RBM6: variants seen among roughly 807,000 people sequenced by gnomAD.
The protein encoded by RBM6 is RNA-binding protein 6.
In RBM6, 23 loss-of-function variants were observed where a neutral mutation model predicts 140.4. The ratio of observed to expected loss-of-function variants is 0.16; its 90% CI spans 0.12 to 0.23. The LOEUF (loss-of-function observed/expected upper bound fraction) is 0.23. Among genes scored for constraint, RBM6 ranks in the 10% least tolerant of loss-of-function variants. The probability of loss-of-function intolerance (pLI) is 1.00; values close to 1 mark genes in which losing one functional copy is unlikely to be tolerated. For synonymous variants in RBM6, 439 were observed against 475.6 expected (o/e 0.92, Z 1.00); for missense variants, 1,139 against 1,386.7 (o/e 0.82, Z 2.84).
At chr3:50,037,115 A>G (rs993536829) in intron 6 of RBM6, among the ~76,000 whole-genome samples, 1 of 152,062 alleles carries the variant, frequency 6.6e-6, no homozygotes, top group East Asian at 1.9e-4. Flanking sequence ...TAAGAAGAGA[A>G]TTGGCTGGGC....
rs902418066 is a variant in RBM6, at chr3:49,967,909, G to T, written c.484G>T (p.Ala162Ser). 6.2e-7 allele frequency: 1 copy of T among 1,613,876 alleles called. No homozygotes were observed. Among genetic ancestry groups the T allele is most frequent in the Non-Finnish European group, 8.5e-7 (1 of 1,179,814 alleles). The change falls in exon 3 of 21, where the codon GCT becomes TCT. Residue 162 changes from alanine (A) to serine (S), a missense_variant. Coordinates refer to ENST00000266022, the MANE Select transcript of RBM6 (RefSeq NM_005777.3). The surrounding 1 kb of genome is among the most constrained non-coding windows in gnomAD (Gnocchi z 4.0). ...GAACTACAGAGACAGGGATGCTCAC[G>T]CTGTTGACTTCAGAGGTAGGGATGC... is the stretch of plus-strand genomic sequence containing the variant. ...HMNYRDRDAH[A>S]VDFRGRDAPP...
chr3:49,941,774 G>C (rs1034014401), intron 1 of RBM6, among the ~76,000 whole-genome samples: 1 of 151,314 alleles, frequency 6.6e-6, no homozygotes, highest in Non-Finnish European at 1.5e-5. Flanking sequence ...CGCTATGTTG[G>C]CCAGGCTGGT....
intron 2 of RBM6, 70 bp downstream of exon 2, chr3:49,962,755 TATAAATGAAG>T: frequency 7.4e-7 from 1 of 1,349,276 alleles, no homozygotes; most frequent in East Asian, 2.6e-5. Flanking sequence ...TTTCGCCTAC[TATAAATGAAG>T]ATATTTTCTC....
chr3:50,004,806 G>A (rs1368735002), intron 6 of RBM6, among the ~76,000 whole-genome samples: 2 of 151,838 alleles, frequency 1.3e-5, no homozygotes, highest in Admixed American at 6.6e-5. Context: ...AACAAACTCT[G>A]TTCGTAAAGA....
intron 14 of RBM6, 95 bp from the exon 15 acceptor site, chr3:50,061,867 T>A: frequency 6.8e-7 from 1 of 1,472,800 alleles, no homozygotes; most frequent in Middle Eastern, 1.8e-4. Context: ...AAAAAAGTTG[T>A]TTCTTCCCCT....
At chr3:49,964,375 T>G (rs952258676) in intron 2 of RBM6, among the ~76,000 whole-genome samples, 1 of 152,198 alleles carries the variant, frequency 6.6e-6, no homozygotes, top group Non-Finnish European at 1.5e-5. Flanking sequence ...TGACAGAGAT[T>G]GGTCTTTAAA....
intron 2 of RBM6, 51 bp downstream of exon 2, chr3:49,962,736 G>A (rs771440653): frequency 2.1e-6 from 3 of 1,438,786 alleles, no homozygotes; most frequent in Non-Finnish European, 2.8e-6. Flanking sequence ...AATTATAAAT[G>A]TGTAACATTT....
At chr3:49,960,736 G>C (rs1159793890) in intron 1 of RBM6, among the ~76,000 whole-genome samples, 1 of 152,090 alleles carries the variant, frequency 6.6e-6, no homozygotes, top group East Asian at 1.9e-4. Flanking sequence ...AGATTATTCC[G>C]ATTGCTCATG....
At chr3:50,019,746 T>C (rs1473940406) in intron 6 of RBM6, among the ~76,000 whole-genome samples, 2 of 152,146 alleles carry the variant, frequency 1.3e-5, no homozygotes, top group Non-Finnish European at 2.9e-5. Context: ...TGATGTTAGC[T>C]ATAGGTTTAT....
intron 6 of RBM6, chr3:50,047,426 C>A: frequency 1.4e-6 from 1 of 710,970 alleles, no homozygotes; most frequent in Non-Finnish European, 1.7e-6. Flanking sequence ...GTTTATTAAA[C>A]AAAACTTTAT....
chr3:50,045,013 T>C (rs1331200275), intron 6 of RBM6, among the ~76,000 whole-genome samples: 3 of 152,138 alleles, frequency 2.0e-5, no homozygotes, highest in African/African-American at 7.2e-5. Flanking sequence ...TATGTGCAGG[T>C]TGAGAAAAAG....
rs1029217949 is a variant in RBM6, at chr3:49,967,292, C to T, written c.45-178C>T. ...ATGGGAGCATAAAAGTTTACTCCGCCACTTCGTCTTAAAATAGCAAAACTT... is the reference window on the plus strand; with the variant it reads ...ATGGGAGCATAAAAGTTTACTCCGCTACTTCGTCTTAAAATAGCAAAACTT... On this transcript the variant is annotated intron_variant, in intron 2 of 20. Transcript: ENST00000266022. This position sits in a 1 kb window ranked among gnomAD's most constrained non-coding sequence, Gnocchi z 4.0. The T allele has an allele frequency of 4.3e-6, 6 of 1,386,662 alleles. No individual in the cohort carries two copies. The African/African-American group carries it at 8.7e-5, about 20-fold the overall frequency. The allele number at this position is 1,386,662 out of a possible 1,614,324, so 85.9% of individuals were successfully genotyped here.
intron 1 of RBM6, among the ~76,000 whole-genome samples, chr3:49,958,351 C>T (rs868169413): frequency 4.3e-4 from 65 of 152,072 alleles, no homozygotes; most frequent in African/African-American, 7.2e-5. Context: ...GTCAGGAGAT[C>T]GAGACCATCC....
intron 1 of RBM6, among the ~76,000 whole-genome samples, chr3:49,957,929 T>G (rs2084075872): frequency 6.6e-6 from 1 of 151,956 alleles, no homozygotes; most frequent in Non-Finnish European, 1.5e-5. Context: ...CCTCCCGGGT[T>G]CAAAAGATTT....
rs781706198 is a variant in RBM6 at position 50,061,972 on chromosome 3, A to G, written c.2450A>G (p.Tyr817Cys). ...CCAACTGTATCGCAGCAAGAAGTCT[A>G]TGTGCCCCAGGATCCTGGATTACCT... ...YYDPNTQQEV[Y>C]VPQDPGLPEE... The change falls in exon 15 of 21, where the codon TAT becomes TGT. Residue 817 changes from tyrosine to cysteine, a missense_variant. Tyr to Cys is a radical substitution (Grantham distance 194). Transcript: ENST00000266022. 10 of 1,613,128 alleles carry G rather than the reference A, an allele frequency of 6.2e-6. No individual in the cohort carries two copies. Among genetic ancestry groups the G allele is most frequent in the Non-Finnish European group, 7.6e-6 (9 of 1,179,794 alleles).
intron 5 of RBM6, among the ~76,000 whole-genome samples, chr3:49,993,346 T>C (rs2085916511): frequency 6.6e-6 from 1 of 152,188 alleles, no homozygotes; most frequent in Non-Finnish European, 1.5e-5. Context: ...TAGATCCACG[T>C]GTAGTTTTTG....
intron 1 of RBM6, among the ~76,000 whole-genome samples, chr3:49,957,199 G>T (rs2084033640): frequency 6.6e-6 from 1 of 151,990 alleles, no homozygotes; most frequent in Admixed American, 6.6e-5. Context: ...GCCTAGGCTG[G>T]TCTCAAACTC....
Position 50,058,392 on chromosome 3 carries a change from G to T in RBM6, c.1970-10G>T, listed in dbSNP as rs757785729. 8.7e-6 allele frequency: 14 copies of T among 1,603,918 alleles called. No individual in the cohort carries two copies. Among genetic ancestry groups the T allele is most frequent in the Non-Finnish European group, 1.2e-5 (14 of 1,170,876 alleles). ...TTGTGTTGCCCTTCTCCCATTTATG[G>T]TTGATTCAGCTATCATGCTAAAGCG... On this transcript the variant is annotated splice_polypyrimidine_tract_variant and intron_variant, in intron 9 of 20. Transcript: ENST00000266022.
intron 6 of RBM6, among the ~76,000 whole-genome samples, chr3:50,045,115 A>G (rs1466915950): frequency 6.6e-6 from 1 of 152,202 alleles, no homozygotes; most frequent in East Asian, 1.9e-4. Context: ...TGACATGCTG[A>G]TGGGGACTCC....
Sources: gnomAD v4.1 joint callset for allele counts (sites outside exome capture counted in the v4.1 genomes callset) on GRCh38, gnomAD v4.1.1 for gene constraint, Gnocchi (gnomAD v3.1) non-coding constraint, MANE v1.5 for transcripts, NCBI Gene and HGNC (gene_info 2026-07-23, HGNC 2026-07-21) for gene names.